Variants in CTNND2 observed in about 807,000 individuals in gnomAD.
The protein encoded by CTNND2 is catenin delta-2.
In CTNND2, 22 loss-of-function variants were observed where a neutral mutation model predicts 144.4. The ratio of observed to expected loss-of-function variants is 0.15; its 90% CI spans 0.11 to 0.22. CTNND2 has a LOEUF of 0.22. Among genes scored for constraint, CTNND2 ranks in the 10% least tolerant of loss-of-function variants. The probability of loss-of-function intolerance (pLI) is 1.00; values close to 1 mark genes in which losing one functional copy is unlikely to be tolerated. For missense variants in CTNND2, 1,353 were observed against 1,618.8 expected (o/e 0.84, Z 2.82); for synonymous variants, 751 against 695.6 (o/e 1.08, Z -1.25).
chr5:11,793,156 GC>G, intron 1 of CTNND2, among the ~76,000 whole-genome samples: 1 of 152,214 alleles, frequency 6.6e-6, no homozygotes, highest in African/African-American at 2.4e-5. Context: ...GGTTTATGGG[GC>G]TCCCGACCCT....
At chr5:11,788,302 CT>C (rs377633195) in intron 1 of CTNND2, among the ~76,000 whole-genome samples, 134,345 of 152,222 alleles carry the variant, frequency 0.88, 61,197 homozygotes, top group South Asian at 0.99. Context: ...AGACAGTGTG[CT>C]AAGGACCCCT....
In CTNND2 at chr5:11,571,018, G is replaced by C. The variant is rs1055718687; in HGVS notation, c.175-5962C>G. 2.0e-5 allele frequency among the ~76,000 whole-genome samples: 3 copies of C among 151,420 alleles called. No homozygotes were observed. In the South Asian group the frequency reaches 6.4e-4, roughly 32 times the overall value. ...GTAAGTCTCTAATGAATAATTCATTGCTATTATTATGCTTTTAATTTCTCG... is the reference window on the plus strand; with the variant it reads ...GTAAGTCTCTAATGAATAATTCATTCCTATTATTATGCTTTTAATTTCTCG... On this transcript the variant is annotated intron_variant, in intron 2 of 21. Transcript: ENST00000304623.
In CTNND2 at chr5:11,292,895, A is replaced by C. The variant is rs73055771; in HGVS notation, c.1628+53477T>G. On this transcript the variant is annotated intron_variant, in intron 9 of 21. Coordinates refer to ENST00000304623, the MANE Select transcript of CTNND2 (RefSeq NM_001332.4). The stretch of plus-strand genomic sequence containing the variant: ...TCAGAGGGAATCTGGCCCTGCCAAC[A>C]CCTTGATCTCAGACTTCCAGCATCC... Among the ~76,000 whole-genome samples, 738 of 152,208 alleles carry C rather than the reference A, an allele frequency of 4.8e-3. 4 individuals are homozygous for C. Among genetic ancestry groups the C allele is most frequent in the African/African-American group, 0.017 (706 of 41,522 alleles).
At position 11,641,745 on chromosome 5, in the gene CTNND2, C is replaced by T. The variant is rs367619972; in HGVS notation, c.175-76689G>A. Among the ~76,000 whole-genome samples, 6 of 134,676 alleles carry T rather than the reference C, an allele frequency of 4.5e-5. 1 individual carries two copies. The highest frequency in any genetic ancestry group is 2.6e-4 in the East Asian group (1 of 3,906). 88.4% of individuals were successfully genotyped at this position (134,676 alleles called of 152,430 possible). Reference sequence around the variant, plus strand: ...ATATACGTGTGTGTATATACATATACGTGTGTATGTACATACATATACGTA... The same window carrying T: ...ATATACGTGTGTGTATATACATATATGTGTGTATGTACATACATATACGTA... On this transcript the variant is annotated intron_variant, in intron 2 of 21. Coordinates refer to ENST00000304623, the MANE Select transcript of CTNND2 (RefSeq NM_001332.4).
At chr5:11,517,060 T>C in intron 3 of CTNND2, among the ~76,000 whole-genome samples, 1 of 152,194 alleles carries the variant, frequency 6.6e-6, no homozygotes, top group Non-Finnish European at 1.5e-5. Flanking sequence ...CAAATTCCAA[T>C]ATTCCAGATT....
At chr5:11,828,190 TC>T (rs571860202) in intron 1 of CTNND2, among the ~76,000 whole-genome samples, 210 of 152,254 alleles carry the variant, frequency 1.4e-3, no homozygotes, top group African/African-American at 4.6e-3. Flanking sequence ...CCTGTGCTGT[TC>T]CCGTGATAGT....
intron 3 of CTNND2, among the ~76,000 whole-genome samples, chr5:11,527,488 C>T (rs1581415505): frequency 6.6e-6 from 1 of 152,154 alleles, no homozygotes; most frequent in East Asian, 1.9e-4. Flanking sequence ...ACCCATCCAC[C>T]TCTAGGCAGA....
At chr5:11,583,100 A>G (rs1029318926) in intron 2 of CTNND2, among the ~76,000 whole-genome samples, 3 of 152,214 alleles carry the variant, frequency 2.0e-5, no homozygotes, top group Non-Finnish European at 2.9e-5. Context: ...CATAAAATTG[A>G]CAGGGATAGA....
intron 1 of CTNND2, among the ~76,000 whole-genome samples, chr5:11,883,097 C>A (rs1254308067): frequency 6.6e-6 from 1 of 152,082 alleles, no homozygotes; most frequent in East Asian, 1.9e-4. Flanking sequence ...TTCTTCATTT[C>A]TTTTTCTGAC....
chr5:11,664,949 G>C (rs1783475497), intron 2 of CTNND2, among the ~76,000 whole-genome samples: 1 of 152,114 alleles, frequency 6.6e-6, no homozygotes, highest in Admixed American at 6.6e-5. Flanking sequence ...GAATCCTAGT[G>C]AAAGGAATGC....
chr5:11,469,597 G>A (rs1298623110), intron 3 of CTNND2, among the ~76,000 whole-genome samples: 2 of 152,122 alleles, frequency 1.3e-5, no homozygotes, highest in Non-Finnish European at 2.9e-5. Context: ...AAGGTTCTAA[G>A]TATTATCTGC....
chr5:11,599,905 A>G (rs749200412), intron 2 of CTNND2, among the ~76,000 whole-genome samples: 22 of 152,162 alleles, frequency 1.4e-4, no homozygotes, highest in Non-Finnish European at 2.5e-4. Context: ...TTCTATGGCC[A>G]TAGAGTTAAT....
intron 2 of CTNND2, among the ~76,000 whole-genome samples, chr5:11,704,035 A>G (rs555655241): frequency 1.3e-5 from 2 of 152,328 alleles, no homozygotes; most frequent in Non-Finnish European, 2.9e-5. Flanking sequence ...AATTTTTTTC[A>G]TCTCTCATTC....
chr5:11,178,705 G>T (rs1760715774), intron 11 of CTNND2, among the ~76,000 whole-genome samples: 1 of 152,070 alleles, frequency 6.6e-6, no homozygotes, highest in Non-Finnish European at 1.5e-5. Context: ...ATATATAATT[G>T]GAAATTTATG....
intron 2 of CTNND2, among the ~76,000 whole-genome samples, chr5:11,655,310 G>A (rs147530409): frequency 4.3e-4 from 66 of 151,838 alleles, no homozygotes; most frequent in South Asian, 1.9e-3. Context: ...AAACATTGGG[G>A]ATTAAGGTTC....
rs182640820 is a variant in CTNND2, at chr5:11,228,729, C to T, written c.1761+7962G>A. On this transcript the variant is annotated intron_variant, in intron 10 of 21. Transcript: ENST00000304623. ...TCCTGAGCTTAAGCAATCCTCCCAC[C>T]TCAGCCTCCAAAAGTGCTAGGATTA... Among the ~76,000 whole-genome samples the T allele has an allele frequency of 4.2e-3, 645 of 152,182 alleles. 4 individuals carry two copies. The highest frequency in any genetic ancestry group is 6.6e-3 in the Admixed American group (101 of 15,276).
intron 1 of CTNND2, among the ~76,000 whole-genome samples, chr5:11,878,758 A>C (rs1181685413): frequency 6.6e-6 from 1 of 152,164 alleles, no homozygotes; most frequent in Non-Finnish European, 1.5e-5. Context: ...TCCAGCCTCA[A>C]ACCTTCCCAC....
At chr5:11,586,044 G>C (rs566345074) in intron 2 of CTNND2, among the ~76,000 whole-genome samples, 25 of 152,226 alleles carry the variant, frequency 1.6e-4, no homozygotes, top group Admixed American at 1.4e-3. Flanking sequence ...GGCCACTGCA[G>C]GGACTTCTGC....
At chr5:11,476,766 G>A (rs1475980927) in intron 3 of CTNND2, among the ~76,000 whole-genome samples, 3 of 152,142 alleles carry the variant, frequency 2.0e-5, no homozygotes, top group Non-Finnish European at 4.4e-5. Flanking sequence ...CTATATAAGT[G>A]CAAAGTATTT....
Sources: gnomAD v4.1 joint callset for allele counts (sites outside exome capture counted in the v4.1 genomes callset) on GRCh38, gnomAD v4.1.1 for gene constraint, MANE v1.5 for transcripts, NCBI Gene and HGNC (gene_info 2026-07-23, HGNC 2026-07-21) for gene names.